CTNNBIP1: variants seen among roughly 807,000 people sequenced by gnomAD.
CTNNBIP1 encodes catenin beta interacting protein 1, also known as beta-catenin-interacting protein 1.
CTNNBIP1 carries 7 observed loss-of-function variants against 11.8 expected under a neutral mutation model. The ratio of observed to expected loss-of-function variants is 0.60; its 90% CI spans 0.34 to 1.12. CTNNBIP1 has a LOEUF of 1.12. CTNNBIP1 is among the 50% of genes most tolerant of loss of function. The pLI is 0.03. For synonymous variants in CTNNBIP1, 58 were observed against 43.9 expected (o/e 1.32, Z -1.26); for missense variants, 101 against 113.4 (o/e 0.89, Z 0.50).
At chr1:9,856,545 C>T (rs955114792) in intron 5 of CTNNBIP1, among the ~76,000 whole-genome samples, 1 of 148,364 alleles carries the variant, frequency 6.7e-6, no homozygotes, top group African/African-American at 2.5e-5. Context: ...GGGAGTCTCG[C>T]TCTGTTGCCC....
chr1:9,891,410 A>G (rs1639297493), intron 1 of CTNNBIP1, among the ~76,000 whole-genome samples: 3 of 152,160 alleles, frequency 2.0e-5, no homozygotes, highest in African/African-American at 7.2e-5. Flanking sequence ...ATTGGTTCAA[A>G]CAAACAAGCT....
intron 5 of CTNNBIP1, among the ~76,000 whole-genome samples, chr1:9,864,500 T>G (rs533863779): frequency 6.6e-6 from 1 of 152,220 alleles, no homozygotes; most frequent in Non-Finnish European, 1.5e-5. Flanking sequence ...GGCTAATTTT[T>G]TGTATTTTTA....
chr1:9,864,481 A>C (rs1232407686), intron 5 of CTNNBIP1, among the ~76,000 whole-genome samples: 6 of 152,148 alleles, frequency 3.9e-5, no homozygotes, highest in South Asian at 4.1e-4. Context: ...GGCGCCCGCC[A>C]CCACGCCCGG....
rs779033337 is a variant in CTNNBIP1 at position 9,871,239 on chromosome 1, T to G, written c.135A>C (p.Ala45=). The change falls in exon 5 of 6, where the codon GCA becomes GCC. Residue 45 remains alanine, a synonymous_variant. Transcript: ENST00000377263. This position sits in a 1 kb window ranked among gnomAD's most constrained non-coding sequence, Gnocchi z 5.2. ...ASEEEFLRTY[A]GVVNSQLSQL... is the part of the protein sequence containing the mutation. ...GGCTGAGCTGGCTGTTGACCACCCC[T>G]GCATAGGTGCGCAGGAACTCCTCCT... 8.9e-6 allele frequency: 14 copies of G among 1,581,430 alleles called. No individual in the cohort carries two copies. Among genetic ancestry groups the G allele is most frequent in the Non-Finnish European group, 1.2e-5 (14 of 1,164,506 alleles).
intron 5 of CTNNBIP1, among the ~76,000 whole-genome samples, chr1:9,853,370 C>A (rs1638430832): frequency 6.6e-6 from 1 of 152,234 alleles, no homozygotes; most frequent in Non-Finnish European, 1.5e-5. Context: ...AGGCCTCTGG[C>A]CGAGGACACT....
At chr1:9,868,704 C>T (rs1009967771) in intron 5 of CTNNBIP1, among the ~76,000 whole-genome samples, 3 of 151,034 alleles carry the variant, frequency 2.0e-5, no homozygotes, top group Admixed American at 6.6e-5. Context: ...CTTGGCTCAT[C>T]GCAAGCTCCG....
intron 1 of CTNNBIP1, among the ~76,000 whole-genome samples, chr1:9,908,803 A>AC (rs1639672222): frequency 6.6e-6 from 1 of 152,156 alleles, no homozygotes; most frequent in African/African-American, 2.4e-5. Context: ...GAGGGCAGAA[A>AC]CCGTGTCTGT....
At chr1:9,869,379 GTTTT>G (rs1321355109) in intron 5 of CTNNBIP1, among the ~76,000 whole-genome samples, 1 of 150,690 alleles carries the variant, frequency 6.6e-6, no homozygotes, top group Non-Finnish European at 1.5e-5. Context: ...GTTTTGTTTT[GTTTT>G]GTTTTTTGAG....
chr1:9,859,907 C>T (rs1638586772), intron 5 of CTNNBIP1, among the ~76,000 whole-genome samples: 1 of 152,216 alleles, frequency 6.6e-6, no homozygotes, highest in Non-Finnish European at 1.5e-5. Context: ...CCTGTTCCCA[C>T]CTCCAGGGTG....
chr1:9,898,114 C>G (rs1327681115), intron 1 of CTNNBIP1, among the ~76,000 whole-genome samples: 1 of 141,624 alleles, frequency 7.1e-6, no homozygotes, highest in African/African-American at 2.6e-5. Context: ...GACTCTGTCT[C>G]AGCAAAAAAA....
In CTNNBIP1 at chr1:9,850,723, G is replaced by A; in HGVS notation, c.241C>T (p.Gln81Ter). Residue 81 changes from glutamine (Q) to a stop codon, truncating the protein, a stop_gained, in exon 6 of 6, where the codon CAG becomes TAG. Transcript: ENST00000377263. LOFTEE classifies it high-confidence loss of function. Reference protein sequence around the residue: ...FSRSETEDRRQ With the variant: ...FSRSETEDRR ...GTGTTCCAAGGGCTTTGCAGCTACT[G>A]CCTCCGGTCTTCCGTCTCCGACCTG... 6.2e-7 allele frequency: 1 copy of A among 1,613,772 alleles called. No individual in the cohort carries two copies.
At chr1:9,866,831 G>A (rs914349663) in intron 5 of CTNNBIP1, among the ~76,000 whole-genome samples, 1 of 152,110 alleles carries the variant, frequency 6.6e-6, no homozygotes, top group African/African-American at 2.4e-5. Context: ...TGAGACAAGA[G>A]TGAATATGGG....
Position 9,903,954 on chromosome 1 carries a change from A to G in CTNNBIP1, c.-144+6141T>C, listed in dbSNP as rs189940093. On this transcript the variant is annotated intron_variant, in intron 1 of 5. Transcript: ENST00000377263. ...TTCTGTTCCCAACTAGCTCGACCTC[A>G]AACACTTTACTTAACTTTTCTAGGC... Among the ~76,000 whole-genome samples, 20 of 152,336 alleles carry G rather than the reference A, an allele frequency of 1.3e-4. No homozygotes were observed. In the East Asian group the frequency reaches 3.9e-3, roughly 29 times the overall value.
intron 3 of CTNNBIP1, among the ~76,000 whole-genome samples, chr1:9,874,038 G>A (rs1402324704): frequency 6.6e-6 from 1 of 152,110 alleles, no homozygotes; most frequent in African/African-American, 2.4e-5. Context: ...ACCTACCTGA[G>A]AATGCATCTC....
At chr1:9,905,310 C>T (rs1639595596) in intron 1 of CTNNBIP1, among the ~76,000 whole-genome samples, 1 of 152,204 alleles carries the variant, frequency 6.6e-6, no homozygotes, top group Non-Finnish European at 1.5e-5. Flanking sequence ...CCCTAGATCA[C>T]CATCCATGTC....
intron 1 of CTNNBIP1, among the ~76,000 whole-genome samples, chr1:9,899,063 G>A (rs1163148533): frequency 6.6e-6 from 1 of 152,158 alleles, no homozygotes; most frequent in African/African-American, 2.4e-5. Context: ...TGATTCATGA[G>A]AATTTTTCCT....
At chr1:9,870,361 GAGA>G (rs993994218) in intron 5 of CTNNBIP1, among the ~76,000 whole-genome samples, 3 of 152,228 alleles carry the variant, frequency 2.0e-5, no homozygotes, top group African/African-American at 7.2e-5. Context: ...AAGCCTTCTA[GAGA>G]AGGAGAACCT....
At position 9,849,357 on chromosome 1, in the gene CTNNBIP1, T is replaced by G. The variant is rs774989929; in HGVS notation, c.*1361A>C. The G allele has an allele frequency of 6.6e-6, 1 of 152,312 alleles. No individual in the cohort carries two copies. The highest frequency in any genetic ancestry group is 1.5e-5 in the Non-Finnish European group (1 of 68,106). The allele number at this position is 152,312 out of a possible 1,614,324, so 9.4% of individuals were successfully genotyped here. A position where few individuals can be genotyped will look rare whatever the true frequency, so the allele number is the denominator to read the frequency against. On this transcript the variant is annotated 3_prime_UTR_variant, in exon 6 of 6. Coordinates refer to ENST00000377263, the MANE Select transcript of CTNNBIP1 (RefSeq NM_020248.3). Reference sequence around the variant, plus strand: ...GTGGCATTTCATAAACAAACGATACTGTCCCTTCCAGGCTGACCTGGAGAG... The same window carrying G: ...GTGGCATTTCATAAACAAACGATACGGTCCCTTCCAGGCTGACCTGGAGAG...
intron 2 of CTNNBIP1, among the ~76,000 whole-genome samples, chr1:9,880,376 CATT>C (rs1424587286): frequency 2.0e-5 from 3 of 152,174 alleles, no homozygotes; most frequent in Admixed American, 1.3e-4. Context: ...TCCAGTCTAT[CATT>C]GATGGGCATC....
Sources: allele counts gnomAD v4.1 joint callset (sites outside exome capture counted in the v4.1 genomes callset), GRCh38; gene constraint gnomAD v4.1.1; non-coding constraint Gnocchi (gnomAD v3.1); transcripts MANE v1.5; gene names NCBI Gene and HGNC (gene_info 2026-07-23, HGNC 2026-07-21).